EPHA3: variants seen among roughly 807,000 people sequenced by gnomAD.
EPHA3 encodes ephrin type-A receptor 3.
EPHA3 carries 42 observed loss-of-function variants against 107.1 expected under a neutral mutation model. That is an observed-to-expected ratio of 0.39 (90% CI 0.31 to 0.51). EPHA3 has a LOEUF of 0.51. Among genes scored for constraint, EPHA3 ranks in the 20% least tolerant of loss-of-function variants. The pLI is 0.78. For synonymous variants in EPHA3, 461 were observed against 424.8 expected, an observed-to-expected ratio of 1.09 and a Z score of -1.05; for missense variants, 1,183 against 1,211.2, an observed-to-expected ratio of 0.98 and a Z score of 0.35.
At chr3:89,305,892 T>A (rs1275189545) in intron 3 of EPHA3, among the ~76,000 whole-genome samples, 2 of 152,188 alleles carry the variant, frequency 1.3e-5, no homozygotes, top group African/African-American at 4.8e-5. Flanking sequence ...TTAAATATCA[T>A]ACCGAAGTAA....
chr3:89,458,484 T>C (rs1440375539), intron 15 of EPHA3, among the ~76,000 whole-genome samples: 2 of 152,012 alleles, frequency 1.3e-5, no homozygotes, highest in African/African-American at 4.8e-5. Context: ...ACTGAGGGAA[T>C]AGACTTCCAG....
chr3:89,297,911 T>A (rs993342511), intron 3 of EPHA3, among the ~76,000 whole-genome samples: 3 of 152,094 alleles, frequency 2.0e-5, no homozygotes, highest in Admixed American at 2.0e-4. Flanking sequence ...GGTGCATGCC[T>A]GTAATCCCGG....
intron 5 of EPHA3, among the ~76,000 whole-genome samples, chr3:89,358,667 T>A (rs990913036): frequency 4.0e-5 from 6 of 151,192 alleles, no homozygotes; most frequent in African/African-American, 1.5e-4. Context: ...TGAAAGAGAT[T>A]GGTCTTGAAT....
intron 1 of EPHA3, among the ~76,000 whole-genome samples, chr3:89,113,931 T>C (rs1707186997): frequency 6.6e-6 from 1 of 152,130 alleles, no homozygotes; most frequent in Non-Finnish European, 1.5e-5. Context: ...AAATAAAGCC[T>C]CAAATTTGAA....
At chr3:89,408,963 A>G (rs1709107488) in intron 9 of EPHA3, among the ~76,000 whole-genome samples, 1 of 152,212 alleles carries the variant, frequency 6.6e-6, no homozygotes, top group Admixed American at 6.6e-5. Context: ...AATTGACATG[A>G]TACTTTGTAT....
chr3:89,172,220 G>A (rs1705227495), intron 2 of EPHA3, among the ~76,000 whole-genome samples: 1 of 152,138 alleles, frequency 6.6e-6, no homozygotes, highest in African/African-American at 2.4e-5. Flanking sequence ...TTTAAATGGG[G>A]TAAATCTTCC....
At chr3:89,284,775 TCTTTA>T (rs1016758992) in intron 3 of EPHA3, among the ~76,000 whole-genome samples, 24 of 152,258 alleles carry the variant, frequency 1.6e-4, no homozygotes, top group African/African-American at 5.5e-4. Context: ...TTGTCTCTCC[TCTTTA>T]CTTAACTTAC....
chr3:89,371,418 TG>T (rs1356887580), intron 5 of EPHA3, among the ~76,000 whole-genome samples: 1 of 151,738 alleles, frequency 6.6e-6, no homozygotes, highest in Admixed American at 6.6e-5. Flanking sequence ...CTTTTCATTC[TG>T]GGTCCACTTC....
At chr3:89,352,633 G>T (rs1163780815) in intron 5 of EPHA3, among the ~76,000 whole-genome samples, 1 of 151,058 alleles carries the variant, frequency 6.6e-6, no homozygotes, top group Non-Finnish European at 1.5e-5. Flanking sequence ...GCTAGGTGTG[G>T]TGGCTCATGT....
chr3:89,267,673 G>T (rs1227750304), intron 3 of EPHA3, among the ~76,000 whole-genome samples: 1 of 151,956 alleles, frequency 6.6e-6, no homozygotes, highest in African/African-American at 2.4e-5. Flanking sequence ...CTTTATGAAG[G>T]CTGTCCTGGT....
intron 2 of EPHA3, among the ~76,000 whole-genome samples, chr3:89,128,562 A>C (rs1704139453): frequency 1.3e-5 from 2 of 152,028 alleles, no homozygotes; most frequent in African/African-American, 4.8e-5. Context: ...TGACTCCTTC[A>C]GATAATATAC....
chr3:89,472,482 G>A lies in EPHA3; in HGVS notation c.2709G>A (p.Leu903=), dbSNP rs1710424159. ...SAAARPSNLL[L]DQSNVDITTF... ...CTTGCAGGCCATCAAACCTTCTTCT[G>A]GACCAAAGCAATGTGGATATCACTA... is the stretch of plus-strand genomic sequence containing the variant. Residue 903 remains leucine (L), a synonymous_variant, in exon 16 of 17, where the codon CTG becomes CTA. Coordinates refer to ENST00000336596, the MANE Select transcript of EPHA3 (RefSeq NM_005233.6). The A allele has an allele frequency of 6.2e-7, 1 of 1,613,546 alleles. No homozygotes were observed. The highest frequency in any genetic ancestry group is 1.3e-5 in the African/African-American group (1 of 74,836).
At chr3:89,407,948 CT>C in intron 8 of EPHA3, 118 bp from the exon 9 acceptor site, 1 of 995,258 alleles carries the variant, frequency 1.0e-6, no homozygotes, top group Non-Finnish European at 1.5e-6. Context: ...TAAACTTTCA[CT>C]AAAGCATTTA....
chr3:89,273,986 C>T (rs1443656232), intron 3 of EPHA3, among the ~76,000 whole-genome samples: 1 of 151,868 alleles, frequency 6.6e-6, no homozygotes, highest in Non-Finnish European at 1.5e-5. Flanking sequence ...CAGTTATTTA[C>T]AGTGTGAGAG....
chr3:89,322,595 A>C (rs1707069902), intron 3 of EPHA3, among the ~76,000 whole-genome samples: 1 of 152,116 alleles, frequency 6.6e-6, no homozygotes. Flanking sequence ...CAGGTTTGGA[A>C]GTGTTTGCTA....
intron 5 of EPHA3, among the ~76,000 whole-genome samples, chr3:89,367,093 C>G (rs1708200533): frequency 6.6e-6 from 1 of 150,628 alleles, no homozygotes; most frequent in South Asian, 2.1e-4. Context: ...TTACAAAGTA[C>G]CTTAATCCAA....
chr3:89,468,902 A>G (rs1479158384), intron 15 of EPHA3, among the ~76,000 whole-genome samples: 4 of 152,202 alleles, frequency 2.6e-5, no homozygotes, highest in Non-Finnish European at 5.9e-5. Context: ...AAAATTTTCA[A>G]TTATAAAAAT....
intron 10 of EPHA3, among the ~76,000 whole-genome samples, chr3:89,416,883 A>G (rs1471754845): frequency 1.3e-5 from 2 of 151,470 alleles, no homozygotes; most frequent in African/African-American, 4.8e-5. Flanking sequence ...CTAGTATGCT[A>G]TCCTTTACAA....
intron 5 of EPHA3, among the ~76,000 whole-genome samples, chr3:89,393,195 CAT>C (rs1214320821): frequency 2.6e-5 from 4 of 152,158 alleles, no homozygotes; most frequent in Non-Finnish European, 5.9e-5. Flanking sequence ...GTTCATTTAA[CAT>C]AGCGATGGCA....
Sources: allele counts gnomAD v4.1 joint callset (sites outside exome capture counted in the v4.1 genomes callset), GRCh38; gene constraint gnomAD v4.1.1; transcripts MANE v1.5; gene names NCBI Gene and HGNC (gene_info 2026-07-23, HGNC 2026-07-21).